Variants in IGLL5 observed in about 807,000 individuals in gnomAD.
IGLL5 encodes the protein immunoglobulin lambda like polypeptide 5.
Under a neutral mutation model 20.9 loss-of-function variants are expected in IGLL5, and 30 were observed. The observed-to-expected ratio is 1.44, with a 90% CI of 1.07 to 1.95. The LOEUF (loss-of-function observed/expected upper bound fraction) is 1.95. Ranked by LOEUF, IGLL5 falls within the 30% of genes most tolerant of loss-of-function variation. The pLI, the probability that IGLL5 is intolerant of heterozygous loss-of-function variation, is 0.00. For synonymous variants in IGLL5, 203 were observed against 117.3 expected (o/e 1.73, Z -4.72); for missense variants, 475 against 270.7 (o/e 1.75, Z -5.30).
intron 2 of IGLL5, among the ~76,000 whole-genome samples, chr22:22,894,758 T>C (rs2066694007): frequency 2.0e-5 from 3 of 150,978 alleles, no homozygotes; most frequent in South Asian, 2.1e-4. Context: ...GTCGGGCTTG[T>C]GGAGACAGGA....
intron 2 of IGLL5, among the ~76,000 whole-genome samples, chr22:22,895,037 A>T (rs192975490): frequency 6.6e-6 from 1 of 151,370 alleles, no homozygotes; most frequent in East Asian, 2.0e-4. Context: ...GAAATGAGGG[A>T]TCCAGGGGTC....
At chr22:22,889,164 A>C (rs548725866) in intron 1 of IGLL5, among the ~76,000 whole-genome samples, 2 of 150,890 alleles carry the variant, frequency 1.3e-5, no homozygotes, top group African/African-American at 4.9e-5. Flanking sequence ...AGGAGGGAGG[A>C]GAGGGGGTGA....
intron 1 of IGLL5, among the ~76,000 whole-genome samples, chr22:22,892,112 T>C (rs1601616453): frequency 6.6e-6 from 1 of 151,336 alleles, no homozygotes; most frequent in Non-Finnish European, 1.5e-5. Context: ...TGCCTTTAAA[T>C]ATGAAGGTTG....
intron 1 of IGLL5, among the ~76,000 whole-genome samples, chr22:22,890,060 A>C: frequency 6.6e-6 from 1 of 150,948 alleles, no homozygotes; most frequent in Non-Finnish European, 1.5e-5. Context: ...CATTTCTTCT[A>C]ATATAATTTT....
In IGLL5 at chr22:22,896,001, T is replaced by G; in HGVS notation, c.*307T>G. On this transcript the variant is annotated 3_prime_UTR_variant, in exon 3 of 3. Transcript: ENST00000526893. ...GGGTCCTTCCTCTCCCAGTCACCCC[T>G]TCTCCAACTCTCCACTGTACCCCTG... 1 of 533,112 alleles carries G rather than the reference T, an allele frequency of 1.9e-6. No individual in the cohort carries two copies. The allele number at this position is 533,112 out of a possible 1,614,324, so 33.0% of individuals were successfully genotyped here.
chr22:22,888,220 T>G lies in IGLL5; in HGVS notation c.167T>G (p.Val56Gly), dbSNP rs189360394. ...QSGDPDPGAS[V>G]GSSRSSLRSL... ...GGGGACCCAGACCCTGGAGCCTCAG[T>G]TGGAAGCAGCCGATCCAGCCTGCGG... The change falls in exon 1 of 3, where the codon GTT becomes GGT. Residue 56 changes from valine (V) to glycine (G), a missense_variant. Physicochemically the swap from Val to Gly is moderately radical, Grantham distance 109. Coordinates refer to ENST00000526893, the MANE Select transcript of IGLL5 (RefSeq NM_001178126.2). The G allele has an allele frequency of 3.9e-6, 6 of 1,548,204 alleles. No individual in the cohort carries two copies. The highest frequency in any genetic ancestry group is 2.7e-5 in the African/African-American group (2 of 72,828).
intron 2 of IGLL5, among the ~76,000 whole-genome samples, chr22:22,894,869 T>G (rs2066703904): frequency 6.6e-6 from 1 of 151,156 alleles, no homozygotes; most frequent in Non-Finnish European, 1.5e-5. Context: ...GCCCGGTGCC[T>G]GTGAGGGATA....
chr22:22,888,557 G>T (rs60549812), intron 1 of IGLL5, among the ~76,000 whole-genome samples: 5 of 151,212 alleles, frequency 3.3e-5, no homozygotes, highest in South Asian at 2.1e-4. Flanking sequence ...GGTAGGGAAG[G>T]AACAGAGGCA....
Position 22,895,761 on chromosome 22 carries a change from C to A in IGLL5, c.*67C>A, listed in dbSNP as rs1416416241. ...GGATCCCAGGGGAGGGGTCTCTCTCCCCATCCCAAGTCATCCAGCCCTTCT... is the reference window on the plus strand; with the variant it reads ...GGATCCCAGGGGAGGGGTCTCTCTCACCATCCCAAGTCATCCAGCCCTTCT... On this transcript the variant is annotated 3_prime_UTR_variant, in exon 3 of 3. Coordinates refer to ENST00000526893, the MANE Select transcript of IGLL5 (RefSeq NM_001178126.2). The A allele has an allele frequency of 2.0e-6, 3 of 1,481,558 alleles. No homozygotes were observed. Among genetic ancestry groups the A allele is most frequent in the Non-Finnish European group, 2.8e-6 (3 of 1,060,760 alleles). 91.8% of individuals were successfully genotyped at this position (1,481,558 alleles called of 1,614,324 possible). A position where few individuals can be genotyped will look rare whatever the true frequency, so the allele number is the denominator to read the frequency against.
chr22:22,888,593 T>A, intron 1 of IGLL5, among the ~76,000 whole-genome samples: 1 of 151,296 alleles, frequency 6.6e-6, no homozygotes, highest in East Asian at 2.0e-4. Flanking sequence ...CAGGGGGTGG[T>A]GGCCACTGTC....
intron 2 of IGLL5, among the ~76,000 whole-genome samples, chr22:22,894,833 A>T (rs2066700784): frequency 6.6e-6 from 1 of 151,126 alleles, no homozygotes; most frequent in Admixed American, 6.6e-5. Flanking sequence ...TTGCCAGGAG[A>T]GCCAAGTGGG....
At chr22:22,890,141 T>C (rs1242095628) in intron 1 of IGLL5, among the ~76,000 whole-genome samples, 1 of 150,186 alleles carries the variant, frequency 6.7e-6, no homozygotes, top group East Asian at 2.1e-4. Context: ...GTAATGACTT[T>C]TGTACATTAC....
intron 1 of IGLL5, among the ~76,000 whole-genome samples, chr22:22,890,582 T>G (rs867565934): frequency 1.4e-5 from 2 of 145,914 alleles, no homozygotes; most frequent in Non-Finnish European, 1.5e-5. Flanking sequence ...TGTGTGTGTG[T>G]GTGTGTGTGT....
chr22:22,889,862 C>G (rs1363510950), intron 1 of IGLL5, among the ~76,000 whole-genome samples: 1 of 151,270 alleles, frequency 6.6e-6, no homozygotes, highest in African/African-American at 2.4e-5. Context: ...TTCCCACGTG[C>G]TGGAATTACA....
chr22:22,892,601 T>C, intron 1 of IGLL5, among the ~76,000 whole-genome samples: 1 of 150,816 alleles, frequency 6.6e-6, no homozygotes, highest in East Asian at 2.0e-4. Context: ...GAGGAGCAAG[T>C]TATACAGAAA....
At chr22:22,894,545 C>A (rs1601627150) in intron 2 of IGLL5, among the ~76,000 whole-genome samples, 1 of 151,554 alleles carries the variant, frequency 6.6e-6, no homozygotes, top group Admixed American at 6.6e-5. Context: ...TCTCTCTGTT[C>A]ACGGATCGGC....
chr22:22,893,826 GC>G lies in IGLL5; in HGVS notation c.325+9del, dbSNP rs2067929536. The stretch of plus-strand genomic sequence containing the variant: ...CCAAGGTCACCGTCCTAGGTAAGTG[GC>G]TCTCAACCTTTCCCAGCCTGTCTCA... On this transcript the variant is annotated intron_variant, in intron 2 of 2. Transcript: ENST00000526893. The G allele has an allele frequency of 6.4e-7, 1 of 1,565,070 alleles. No homozygotes were observed. The highest frequency in any genetic ancestry group is 1.4e-5 in the African/African-American group (1 of 73,806).
Position 22,893,926 on chromosome 22 carries a change from C to T in IGLL5, c.325+108C>T, listed in dbSNP as rs1047942719. ...CCCTCTGTCCTCCCAGCCTTAAGCA[C>T]TGACCCTTACCTTTCTCCATGGGGC... On this transcript the variant is annotated intron_variant, in intron 2 of 2. Transcript: ENST00000526893. 3.2e-5 allele frequency: 26 copies of T among 813,356 alleles called. 1 individual carries two copies. Among genetic ancestry groups the T allele is most frequent in the Middle Eastern group, 2.2e-4 (1 of 4,446 alleles). The allele number at this position is 813,356 out of a possible 1,614,324, so 50.4% of individuals were successfully genotyped here.
chr22:22,893,974 C>CTG, intron 2 of IGLL5, among the ~76,000 whole-genome samples, 156 bp downstream of exon 2: 1 of 151,522 alleles, frequency 6.6e-6, no homozygotes, highest in East Asian at 2.0e-4. Context: ...CATTAGTCTC[C>CTG]GGGTAACCGG....
Sources: allele counts gnomAD v4.1 joint callset (sites outside exome capture counted in the v4.1 genomes callset), GRCh38; gene constraint gnomAD v4.1.1; transcripts MANE v1.5; gene names NCBI Gene and HGNC (gene_info 2026-07-23, HGNC 2026-07-21).